Variants in IKBKB observed in about 807,000 individuals in gnomAD.
IKBKB encodes inhibitor of nuclear factor kappa-B kinase subunit beta.
A neutral mutation model predicts 113.6 loss-of-function variants in IKBKB; 42 were observed. That is an observed-to-expected ratio of 0.37 (90% confidence interval 0.29 to 0.48). IKBKB has a LOEUF of 0.48. IKBKB is among the 20% of genes least tolerant of loss of function. The pLI is 0.99. For synonymous variants in IKBKB, 296 were observed against 361.3 expected, an observed-to-expected ratio of 0.82 and a Z score of 2.05; for missense variants, 673 against 939.7, an observed-to-expected ratio of 0.72 and a Z score of 3.71.
At position 42,331,281 on chromosome 8, in the gene IKBKB, C is replaced by T; in HGVS notation, c.*302C>T. 2.8e-6 allele frequency: 2 copies of T among 702,170 alleles called. No individual in the cohort carries two copies. Among genetic ancestry groups the T allele is most frequent in the Non-Finnish European group, 5.2e-6 (2 of 385,272 alleles). 43.5% of individuals were successfully genotyped at this position (702,170 alleles called of 1,614,324 possible). On this transcript the variant is annotated 3_prime_UTR_variant, in exon 22 of 22. Transcript: ENST00000520810. ...TCCTCCATTACAGAGGCCCAGCGCA[C>T]ATCGCTGGCCCCACAAACGTTCAGG...
chr8:42,299,925 T>C (rs1160521604), intron 5 of IKBKB, among the ~76,000 whole-genome samples: 1 of 152,218 alleles, frequency 6.6e-6, no homozygotes. Flanking sequence ...GTGATTTCTG[T>C]CTGTGCCTTG....
chr8:42,320,222 A>G (rs1819500938), intron 15 of IKBKB: 1 of 156,908 alleles, frequency 6.4e-6, no homozygotes, highest in South Asian at 1.9e-4. Flanking sequence ...GTGTCTTAGT[A>G]TCGATTTTTA....
chr8:42,323,305 T>C (rs1820124384), intron 19 of IKBKB, among the ~76,000 whole-genome samples: 1 of 152,250 alleles, frequency 6.6e-6, no homozygotes, highest in Admixed American at 6.5e-5. Context: ...CAGTGCAACT[T>C]GGTTGACCAT....
intron 2 of IKBKB, among the ~76,000 whole-genome samples, chr8:42,285,177 C>T (rs552650841): frequency 9.9e-5 from 15 of 152,116 alleles, no homozygotes; most frequent in African/African-American, 3.4e-4. Context: ...TCTTTTGACA[C>T]ATTCCCTAAT....
intron 12 of IKBKB, among the ~76,000 whole-genome samples, 159 bp downstream of exon 12, chr8:42,317,930 A>G (rs1818999842): frequency 6.6e-6 from 1 of 152,130 alleles, no homozygotes; most frequent in Admixed American, 6.6e-5. Flanking sequence ...TGCAAGGAGT[A>G]GCCAGGCAAG....
chr8:42,290,702 G>A (rs541885367), intron 4 of IKBKB, among the ~76,000 whole-genome samples: 3 of 152,310 alleles, frequency 2.0e-5, no homozygotes, highest in Admixed American at 2.0e-4. Flanking sequence ...CACACACGGG[G>A]GCAGGGAGCA....
rs944534500 is a variant in IKBKB at position 42,317,674 on chromosome 8, A to G, written c.1143A>G (p.Thr381=). Reference sequence around the variant, plus strand: ...CTTTGCAGTTAAATGAGGGCCACACATTGGACATGGATCTTGTTTTTCTCT... The same window carrying G: ...CTTTGCAGTTAAATGAGGGCCACACGTTGGACATGGATCTTGTTTTTCTCT... ...ISDGKLNEGH[T]LDMDLVFLFD... is the part of the protein sequence containing the mutation. The change falls in exon 12 of 22, where the codon ACA becomes ACG. Residue 381 remains threonine (T), a synonymous_variant. Transcript: ENST00000520810. 3 of 1,612,842 alleles carry G rather than the reference A, an allele frequency of 1.9e-6. No individual in the cohort carries two copies. The highest frequency in any genetic ancestry group is 1.3e-5 in the African/African-American group (1 of 74,904).
chr8:42,275,649 T>G (rs1002342730), intron 2 of IKBKB, among the ~76,000 whole-genome samples: 3 of 152,208 alleles, frequency 2.0e-5, no homozygotes, highest in Admixed American at 1.3e-4. Flanking sequence ...AAGAGTACAT[T>G]GTGTCTGTGT....
chr8:42,286,480 TTTTTTGTTTTTG>T (rs970188209), intron 2 of IKBKB, among the ~76,000 whole-genome samples: 3 of 152,126 alleles, frequency 2.0e-5, no homozygotes, highest in African/African-American at 7.2e-5. Context: ...CTGTGTGTCT[TTTTTTGTTTTTG>T]TTTTTGTTTT....
intron 5 of IKBKB, among the ~76,000 whole-genome samples, chr8:42,304,392 G>A (rs1217794796): frequency 2.0e-5 from 3 of 152,066 alleles, no homozygotes; most frequent in Admixed American, 6.6e-5. Flanking sequence ...AGCTGCAGGC[G>A]GGTGCCTCCT....
At position 42,330,962 on chromosome 8, in the gene IKBKB, C is replaced by G. The variant is rs768703992; in HGVS notation, c.2254C>G (p.Leu752Val). ...GACGGAAGAAGAAGAGCACAGCTGC[C>G]TGGAGCAGGCCTCATGATGTGGGGG... ...LQTEEEEHSC[L>V]EQAS The change falls in exon 22 of 22, where the codon CTG (leucine) becomes GTG (valine). Residue 752 changes from leucine (L) to valine (V), a missense_variant. By Grantham distance (32) the Leu-to-Val change is conservative (BLOSUM62 1). Transcript: ENST00000520810. 1 of 1,614,192 alleles carries G rather than the reference C, an allele frequency of 6.2e-7. No individual in the cohort carries two copies. Among genetic ancestry groups the G allele is most frequent in the East Asian group, 2.2e-5 (1 of 44,880 alleles).
At chr8:42,318,820 G>A (rs551015131) in intron 13 of IKBKB, 145 bp downstream of exon 13, 13 of 790,460 alleles carry the variant, frequency 1.6e-5, no homozygotes, top group South Asian at 1.2e-4. Context: ...GACGGGAAGC[G>A]GTTGGGTGGG....
chr8:42,322,423 G>A lies in IKBKB; in HGVS notation c.1915G>A (p.Asp639Asn), dbSNP rs768016671. Residue 639 changes from aspartate to asparagine, a missense_variant, in exon 19 of 22, where the codon GAT becomes AAT. Transcript: ENST00000520810. Reference sequence around the variant, plus strand: ...AGAGGTGGTGAGCTTAATGAATGAGGATGAGAAGACTGTTGTCCGGCTGCA... The same window carrying A: ...AGAGGTGGTGAGCTTAATGAATGAGAATGAGAAGACTGTTGTCCGGCTGCA... ...VEEVVSLMNE[D>N]EKTVVRLQEK... The A allele has an allele frequency of 1.9e-6, 3 of 1,614,036 alleles. No individual in the cohort carries two copies. Among genetic ancestry groups the A allele is most frequent in the Non-Finnish European group, 2.5e-6 (3 of 1,180,018 alleles).
chr8:42,272,757 G>C (rs1186614416), intron 2 of IKBKB, among the ~76,000 whole-genome samples: 3 of 151,832 alleles, frequency 2.0e-5, no homozygotes, highest in Admixed American at 6.6e-5. Context: ...GGCTAACACT[G>C]TGAAACCCCA....
intron 20 of IKBKB, among the ~76,000 whole-genome samples, chr8:42,327,204 T>C (rs1228331505): frequency 1.3e-5 from 2 of 152,194 alleles, no homozygotes; most frequent in Non-Finnish European, 2.9e-5. Flanking sequence ...CCTTGGATAC[T>C]TAATTTTCTC....
At chr8:42,313,388 C>T (rs1014952358) in intron 8 of IKBKB, among the ~76,000 whole-genome samples, 1 of 152,060 alleles carries the variant, frequency 6.6e-6, no homozygotes, top group Non-Finnish European at 1.5e-5. Context: ...AAGGTCGAGG[C>T]TGCAGTAAGT....
chr8:42,318,702 C>T (rs775377642), intron 13 of IKBKB, 27 bp downstream of exon 13: 14 of 1,569,464 alleles, frequency 8.9e-6, no homozygotes, highest in Non-Finnish European at 1.2e-5. Context: ...TTTTTTTAAA[C>T]TTAATTTATT....
At position 42,330,973 on chromosome 8, in the gene IKBKB, C is replaced by T; in HGVS notation, c.2265C>T (p.Ala755=). ...EEEEHSCLEQ[A]S ...AAGAGCACAGCTGCCTGGAGCAGGC[C>T]TCATGATGTGGGGGGACTCGACCCC... The change falls in exon 22 of 22, where the codon GCC becomes GCT. Residue 755 remains alanine, a synonymous_variant. Transcript: ENST00000520810. 1 of 1,614,114 alleles carries T rather than the reference C, an allele frequency of 6.2e-7. No homozygotes were observed. Among genetic ancestry groups the T allele is most frequent in the South Asian group, 1.1e-5 (1 of 91,080 alleles).
chr8:42,273,644 A>G (rs1808300176), intron 2 of IKBKB, among the ~76,000 whole-genome samples: 1 of 151,810 alleles, frequency 6.6e-6, no homozygotes, highest in South Asian at 2.1e-4. Context: ...ATCCTCAAGC[A>G]GTCTTCCCGT....
Sources: allele counts gnomAD v4.1 joint callset (sites outside exome capture counted in the v4.1 genomes callset), GRCh38; gene constraint gnomAD v4.1.1; transcripts MANE v1.5; gene names NCBI Gene and HGNC (gene_info 2026-07-23, HGNC 2026-07-21).